Variants in ATAD2 observed in about 807,000 individuals in gnomAD.
ATAD2 encodes ATPase family AAA domain containing 2, also known as ATPase family AAA domain-containing protein 2.
A neutral mutation model predicts 168.9 loss-of-function variants in ATAD2; 62 were observed. The observed-to-expected ratio is 0.37, with a 90% confidence interval of 0.30 to 0.45. The LOEUF (loss-of-function observed/expected upper bound fraction) is 0.45. Ranked by LOEUF, ATAD2 falls within the 20% of genes least tolerant of loss-of-function variation. The probability of loss-of-function intolerance (pLI) is 1.00; values close to 1 mark genes in which losing one functional copy is unlikely to be tolerated. For missense variants in ATAD2, 1,419 were observed against 1,667.8 expected, an observed-to-expected ratio of 0.85 and a Z score of 2.60; for synonymous variants, 613 against 571.6, an observed-to-expected ratio of 1.07 and a Z score of -1.03.
rs1411659109 is a variant in ATAD2 at position 123,328,489 on chromosome 8, C to T, written c.3569G>A (p.Ser1190Asn). ...RRKISQAKDD[S>N]QNAIDHKIES... Reference sequence around the variant, plus strand: ...AATTTTGTGATCTATGGCATTCTGGCTATCATCCTTTGCCTGTGAAATCTT... The same window carrying T: ...AATTTTGTGATCTATGGCATTCTGGTTATCATCCTTTGCCTGTGAAATCTT... Residue 1190 changes from serine (S) to asparagine (N), a missense_variant, in exon 25 of 28, where the codon AGC (serine) becomes AAC (asparagine). Transcript: ENST00000287394. 1 of 1,606,448 alleles carries T rather than the reference C, an allele frequency of 6.2e-7. No homozygotes were observed. The highest frequency in any genetic ancestry group is 8.5e-7 in the Non-Finnish European group (1 of 1,176,904).
intron 7 of ATAD2, 58 bp from the exon 8 acceptor site, chr8:123,369,233 T>G: frequency 3.0e-6 from 2 of 661,268 alleles, no homozygotes; most frequent in Non-Finnish European, 4.1e-6. Context: ...GGCATACAAA[T>G]ATGTATGAAG....
chr8:123,389,565 A>G (rs967153103), intron 1 of ATAD2, among the ~76,000 whole-genome samples: 57 of 151,484 alleles, frequency 3.8e-4, no homozygotes, highest in Admixed American at 1.4e-3. Flanking sequence ...GCGTGAACCC[A>G]GAAGGAGGAG....
intron 24 of ATAD2, among the ~76,000 whole-genome samples, chr8:123,331,661 G>C (rs1302044946): frequency 1.3e-5 from 2 of 152,164 alleles, no homozygotes; most frequent in African/African-American, 4.8e-5. Context: ...TATCTTAGAA[G>C]GTTATGACTT....
intron 9 of ATAD2, among the ~76,000 whole-genome samples, chr8:123,360,961 A>G (rs1212815002): frequency 6.6e-6 from 1 of 151,970 alleles, no homozygotes; most frequent in Non-Finnish European, 1.5e-5. Flanking sequence ...AAATACATGA[A>G]AAGAAAAGGT....
At chr8:123,369,744 A>G in intron 7 of ATAD2, 77 bp downstream of exon 7, 2 of 1,256,180 alleles carry the variant, frequency 1.6e-6, no homozygotes, top group Non-Finnish European at 2.2e-6. Flanking sequence ...CCAAAAAGAC[A>G]AGAATAACAG....
intron 1 of ATAD2, among the ~76,000 whole-genome samples, chr8:123,414,092 C>CAAAA (rs57662854): frequency 2.5e-5 from 1 of 40,590 alleles, no homozygotes; most frequent in African/African-American, 1.1e-4. Context: ...ACTCTTATCT[C>CAAAA]AAAAAAAAAA....
chr8:123,389,608 T>G (rs149341319), intron 1 of ATAD2, among the ~76,000 whole-genome samples: 6 of 151,138 alleles, frequency 4.0e-5, no homozygotes, highest in Non-Finnish European at 7.4e-5. Context: ...CCACTGCACT[T>G]CAGCCTGGGC....
chr8:123,330,590 A>C (rs1440795102), intron 24 of ATAD2, among the ~76,000 whole-genome samples: 2 of 151,582 alleles, frequency 1.3e-5, no homozygotes, highest in African/African-American at 4.8e-5. Flanking sequence ...TCTCGATCAC[A>C]TGACCTCGTG....
chr8:123,326,246 G>A (rs1405412103), intron 25 of ATAD2, among the ~76,000 whole-genome samples: 2 of 152,104 alleles, frequency 1.3e-5, no homozygotes, highest in African/African-American at 2.4e-5. Flanking sequence ...AGTATTTCAA[G>A]GGGATTCTCA....
chr8:123,402,702 C>T lies in ATAD2; in HGVS notation c.-2281-1527G>A, dbSNP rs866114910. 6.6e-6 allele frequency among the ~76,000 whole-genome samples: 1 copy of T among 152,146 alleles called. No homozygotes were observed. The highest frequency in any genetic ancestry group is 2.4e-5 in the African/African-American group (1 of 41,422). ...GACTCACCACCGTCCCCAGGTGTAC[C>T]ATTCCTGCCCTCTCCTCAGCTGTAG... On this transcript the variant is annotated intron_variant, in intron 1 of 28. Coordinates refer to the ATAD2 transcript ENST00000521903. This position sits in a 1 kb window ranked among gnomAD's most constrained non-coding sequence, Gnocchi z 4.8.
Position 123,341,191 on chromosome 8 carries a change from C to T in ATAD2, c.2719-1745G>A, listed in dbSNP as rs189072456. ...GAATGTGGTATTAAAATATTTTACC[C>T]AGTTTGCAATTATATGCTTAGAAAA... On this transcript the variant is annotated intron_variant, in intron 19 of 27. Transcript: ENST00000287394. 7.6e-4 allele frequency among the ~76,000 whole-genome samples: 115 copies of T among 152,102 alleles called. 1 individual carries two copies. Among genetic ancestry groups the T allele is most frequent in the South Asian group, 1.9e-3 (9 of 4,824 alleles).
At chr8:123,322,003 T>G (rs1044800203) in intron 27 of ATAD2, among the ~76,000 whole-genome samples, 4 of 151,346 alleles carry the variant, frequency 2.6e-5, no homozygotes, top group East Asian at 3.8e-4. Flanking sequence ...TTTTTTTTTT[T>G]GTCATACAGA....
intron 19 of ATAD2, chr8:123,342,455 CAGA>C (rs1441490481): frequency 1.3e-5 from 2 of 151,058 alleles, no homozygotes; most frequent in African/African-American, 4.9e-5. Flanking sequence ...TGGAACAATA[CAGA>C]AGATTAGCAT....
intron 26 of ATAD2, among the ~76,000 whole-genome samples, chr8:123,325,078 T>G (rs1586852658): frequency 1.3e-5 from 2 of 149,460 alleles, no homozygotes; most frequent in East Asian, 1.9e-4. Context: ...TATTTTATAT[T>G]AAAAAATAAT....
chr8:123,381,138 T>C (rs1433530473), intron 1 of ATAD2, among the ~76,000 whole-genome samples: 2 of 152,126 alleles, frequency 1.3e-5, no homozygotes, highest in East Asian at 1.9e-4. Context: ...GCTTAAACAA[T>C]GAAAAAGAGT....
chr8:123,387,246 GAATA>G (rs1202209437), intron 1 of ATAD2, among the ~76,000 whole-genome samples: 1 of 151,938 alleles, frequency 6.6e-6, no homozygotes, highest in African/African-American at 2.4e-5. Flanking sequence ...TTTAATGAAT[GAATA>G]GTATTTCAGC....
Position 123,344,935 on chromosome 8 carries a change from T to A in ATAD2, c.2667A>T (p.Pro889=). The A allele has an allele frequency of 6.2e-7, 1 of 1,614,146 alleles. No homozygotes were observed. The highest frequency in any genetic ancestry group is 8.5e-7 in the Non-Finnish European group (1 of 1,180,008). The change falls in exon 19 of 28, where the codon CCA becomes CCT. Residue 889 remains proline (P), a synonymous_variant. Coordinates refer to ENST00000287394, the MANE Select transcript of ATAD2 (RefSeq NM_014109.4). ...TLLQNIPSFA[P]VLLLATSDKP... is the part of the protein sequence containing the mutation. ...TGTCAGAAGTTGCAAGTAGTAAAAC[T>A]GGAGCAAATGAAGGAATATTCTGTA...
intron 20 of ATAD2, 126 bp from the exon 21 acceptor site, chr8:123,337,947 T>A (rs1827962570): frequency 1.4e-5 from 13 of 897,916 alleles, no homozygotes; most frequent in Non-Finnish European, 1.6e-6. Flanking sequence ...ATCCAAAGAT[T>A]TGAAATACAA....
At chr8:123,354,864 A>AAAAAAAAT (rs1554644338) in intron 13 of ATAD2, among the ~76,000 whole-genome samples, 1 of 64,708 alleles carries the variant, frequency 1.5e-5, no homozygotes, top group African/African-American at 8.7e-5. Flanking sequence ...AAAAAAAAAA[A>AAAAAAAAT]ATATATATAT....
Sources: gnomAD v4.1 joint callset for allele counts (sites outside exome capture counted in the v4.1 genomes callset) on GRCh38, gnomAD v4.1.1 for gene constraint, Gnocchi (gnomAD v3.1) non-coding constraint, MANE v1.5 for transcripts, NCBI Gene and HGNC (gene_info 2026-07-23, HGNC 2026-07-21) for gene names.